Variants in DDC observed in about 807,000 individuals in gnomAD.
The protein encoded by DDC is dopa decarboxylase, also known as aromatic-L-amino-acid decarboxylase.
Under a neutral mutation model 60.0 loss-of-function variants are expected in DDC, and 43 were observed. The ratio of observed to expected loss-of-function variants is 0.72; its 90% CI spans 0.56 to 0.92. DDC has a LOEUF of 0.92. Among genes scored for constraint, DDC ranks in the 40% least tolerant of loss-of-function variants. The pLI is 0.00. For synonymous variants in DDC, 232 were observed against 234.6 expected (o/e 0.99, Z 0.10); for missense variants, 573 against 620.2 (o/e 0.92, Z 0.81).
chr7:50,511,078 C>CACACAT (rs1215785580), intron 6 of DDC, among the ~76,000 whole-genome samples: 1 of 148,446 alleles, frequency 6.7e-6, no homozygotes. Flanking sequence ...CACACACACA[C>CACACAT]ACACACAAAA....
intron 4 of DDC, among the ~76,000 whole-genome samples, chr7:50,530,246 C>A (rs1433572567): frequency 1.3e-5 from 2 of 151,918 alleles, no homozygotes; most frequent in African/African-American, 4.8e-5. Flanking sequence ...CAGAGTGAGA[C>A]CCAGTCTCAA....
intron 12 of DDC, among the ~76,000 whole-genome samples, chr7:50,469,159 T>G (rs1318119758): frequency 6.7e-6 from 1 of 149,706 alleles, no homozygotes. Context: ...TTGGCCAGGC[T>G]GGTCTAGAAC....
In DDC at chr7:50,544,397, A is replaced by T. The variant is rs115507059; in HGVS notation, c.-28-284T>A. Reference sequence around the variant, plus strand: ...AGACTAGAAGCACACGTTTATTTTCATGATCGATTCCAACTTTAATGACAA... The same window carrying T: ...AGACTAGAAGCACACGTTTATTTTCTTGATCGATTCCAACTTTAATGACAA... On this transcript the variant is annotated intron_variant, in intron 1 of 14. Coordinates refer to ENST00000444124, the MANE Select transcript of DDC (RefSeq NM_001082971.2). Among the ~76,000 whole-genome samples, 781 of 152,322 alleles carry T rather than the reference A, an allele frequency of 5.1e-3. 6 individuals are homozygous for T. The highest frequency in any genetic ancestry group is 0.018 in the African/African-American group (740 of 41,572).
At chr7:50,539,629 G>A (rs1275565181) in intron 3 of DDC, among the ~76,000 whole-genome samples, 1 of 152,202 alleles carries the variant, frequency 6.6e-6, no homozygotes, top group Non-Finnish European at 1.5e-5. Context: ...GGTTCGAGCT[G>A]CAGAAACTCT....
At chr7:50,504,804 G>C (rs2043348992) in intron 6 of DDC, among the ~76,000 whole-genome samples, 1 of 152,160 alleles carries the variant, frequency 6.6e-6, no homozygotes, top group Non-Finnish European at 1.5e-5. Flanking sequence ...GCAGGGCCCA[G>C]ACTGCCCAAG....
At chr7:50,521,991 ATCT>A (rs1248857824) in intron 6 of DDC, among the ~76,000 whole-genome samples, 6 of 150,934 alleles carry the variant, frequency 4.0e-5, no homozygotes, top group African/African-American at 1.5e-4. Context: ...GAAAAAAAGT[ATCT>A]TTGCAGATGA....
chr7:50,470,379 A>T (rs1055389818), intron 11 of DDC, among the ~76,000 whole-genome samples: 1 of 152,234 alleles, frequency 6.6e-6, no homozygotes, highest in Non-Finnish European at 1.5e-5. Flanking sequence ...AAAGGAACAC[A>T]GATGGGGACT....
chr7:50,480,590 C>G (rs2153536366), intron 9 of DDC, among the ~76,000 whole-genome samples: 1 of 152,260 alleles, frequency 6.6e-6, no homozygotes, highest in South Asian at 2.1e-4. Context: ...GGACTGAGCC[C>G]TTAACCCTGT....
At chr7:50,479,195 A>G (rs1173105155) in intron 10 of DDC, among the ~76,000 whole-genome samples, 2 of 152,170 alleles carry the variant, frequency 1.3e-5, no homozygotes, top group Non-Finnish European at 2.9e-5. Context: ...ATGCCACTCG[A>G]TAACTGCCCA....
At chr7:50,494,153 ACTTTAATGCTTTAG>A (rs2043069132) in intron 9 of DDC, among the ~76,000 whole-genome samples, 1 of 152,196 alleles carries the variant, frequency 6.6e-6, no homozygotes, top group South Asian at 2.1e-4. Context: ...AATATCACCC[ACTTTAATGCTTTAG>A]TTCTTTTTCT....
intron 1 of DDC, among the ~76,000 whole-genome samples, chr7:50,545,161 A>C (rs1411572764): frequency 6.6e-6 from 1 of 152,244 alleles, no homozygotes; most frequent in Non-Finnish European, 1.5e-5. Flanking sequence ...CTGACGCAAG[A>C]AGGTAGTGTG....
intron 9 of DDC, among the ~76,000 whole-genome samples, chr7:50,480,757 T>A (rs2042749906): frequency 6.6e-6 from 1 of 152,198 alleles, no homozygotes; most frequent in Admixed American, 6.5e-5. Context: ...GCACAGTGAC[T>A]GGCCCTGCTG....
intron 11 of DDC, among the ~76,000 whole-genome samples, chr7:50,471,178 G>A (rs563928636): frequency 1.3e-5 from 2 of 152,326 alleles, no homozygotes; most frequent in East Asian, 3.9e-4. Flanking sequence ...GATCACCTGA[G>A]GTCGGGAGTT....
At chr7:50,564,880 T>C (rs939542379) in intron 1 of DDC, among the ~76,000 whole-genome samples, 2 of 152,184 alleles carry the variant, frequency 1.3e-5, no homozygotes, top group Non-Finnish European at 2.9e-5. Context: ...CTCCATAAAA[T>C]CATGGGATTT....
chr7:50,530,314 A>G (rs1188337233), intron 4 of DDC, among the ~76,000 whole-genome samples: 2 of 152,166 alleles, frequency 1.3e-5, no homozygotes, highest in African/African-American at 4.8e-5. Flanking sequence ...GGGTGCACAG[A>G]GGGAAGACCA....
At chr7:50,505,466 G>T (rs189701217) in intron 6 of DDC, among the ~76,000 whole-genome samples, 1 of 152,202 alleles carries the variant, frequency 6.6e-6, no homozygotes, top group Admixed American at 6.5e-5. Flanking sequence ...AATGCCATGT[G>T]TCCTGAGGAT....
intron 9 of DDC, among the ~76,000 whole-genome samples, chr7:50,483,287 T>C (rs780843065): frequency 6.6e-5 from 10 of 152,206 alleles, no homozygotes; most frequent in Non-Finnish European, 1.5e-4. Context: ...TCTGTTAACA[T>C]GGTGACTAGC....
intron 1 of DDC, among the ~76,000 whole-genome samples, chr7:50,553,490 T>C (rs1262728964): frequency 3.3e-4 from 46 of 139,968 alleles, no homozygotes; most frequent in Admixed American, 1.2e-3. Flanking sequence ...TTTTCTTTTT[T>C]TTTTTTTTTT....
At chr7:50,530,077 C>T (rs1267497915) in intron 4 of DDC, among the ~76,000 whole-genome samples, 5 of 151,876 alleles carry the variant, frequency 3.3e-5, no homozygotes, top group African/African-American at 7.3e-5. Flanking sequence ...GGCAACATAC[C>T]GAAACCCTGT....
Sources: gnomAD v4.1 joint callset for allele counts (sites outside exome capture counted in the v4.1 genomes callset) on GRCh38, gnomAD v4.1.1 for gene constraint, MANE v1.5 for transcripts, NCBI Gene and HGNC (gene_info 2026-07-23, HGNC 2026-07-21) for gene names.